LRP1B: variants seen among roughly 807,000 people sequenced by gnomAD.
The protein encoded by LRP1B is LDL receptor related protein 1B, also known as low-density lipoprotein receptor-related protein 1B.
A neutral mutation model predicts 556.6 loss-of-function variants in LRP1B; 217 were observed. The ratio of observed to expected loss-of-function variants is 0.39; its 90% CI spans 0.35 to 0.44. The LOEUF is 0.44. LRP1B is among the 20% of genes least tolerant of loss of function. LRP1B has a pLI of 1.00. For synonymous variants in LRP1B, 2,047 were observed against 1,865.8 expected (o/e 1.10, Z -2.50); for missense variants, 5,053 against 5,620.8 (o/e 0.90, Z 3.23).
At chr2:141,467,841 G>GA (rs1559087193) in intron 3 of LRP1B, among the ~76,000 whole-genome samples, 2 of 106,296 alleles carry the variant, frequency 1.9e-5, no homozygotes, top group African/African-American at 4.7e-5. Context: ...TTGCGGACCG[G>GA]GGGGGGGGGA....
intron 2 of LRP1B, among the ~76,000 whole-genome samples, chr2:141,560,912 G>A (rs914142283): frequency 2.2e-4 from 33 of 151,632 alleles, no homozygotes; most frequent in African/African-American, 7.7e-4. Context: ...TGTAGTACTC[G>A]TGGAACATGC....
intron 71 of LRP1B, among the ~76,000 whole-genome samples, chr2:140,366,908 A>G (rs1682786166): frequency 6.6e-6 from 1 of 151,770 alleles, no homozygotes; most frequent in Non-Finnish European, 1.5e-5. Flanking sequence ...TTCAGTAGAT[A>G]AGACACATTT....
chr2:140,258,680 A>G (rs1211948648), intron 86 of LRP1B, among the ~76,000 whole-genome samples: 1 of 152,058 alleles, frequency 6.6e-6, no homozygotes, highest in East Asian at 1.9e-4. Context: ...TACATTTTTA[A>G]TCCTCAAAAC....
At chr2:140,902,233 G>T (rs1190601654) in intron 23 of LRP1B, among the ~76,000 whole-genome samples, 3 of 152,112 alleles carry the variant, frequency 2.0e-5, no homozygotes, top group Non-Finnish European at 2.9e-5. Flanking sequence ...CTAGAAAAGT[G>T]GATGGGAAGC....
At chr2:141,863,021 C>G (rs1041438995) in intron 1 of LRP1B, among the ~76,000 whole-genome samples, 1 of 152,142 alleles carries the variant, frequency 6.6e-6, no homozygotes, top group African/African-American at 2.4e-5. Flanking sequence ...AGCTGTCATT[C>G]CTTGAAACTT....
rs905000572 is a variant in LRP1B at position 141,683,179 on chromosome 2, C to T, written c.205+127100G>A. On this transcript the variant is annotated intron_variant, in intron 2 of 90. Coordinates refer to ENST00000389484, the MANE Select transcript of LRP1B (RefSeq NM_018557.3). ...AAGTGGGGTGCTGCTGTCACAAATA[C>T]TAAACCTGTAGAAGCTGCTTTAGAA... Among the ~76,000 whole-genome samples the T allele has an allele frequency of 3.3e-5, 5 of 152,238 alleles. No homozygotes were observed. In the South Asian group the frequency reaches 1.0e-3, roughly 32 times the overall value.
intron 7 of LRP1B, among the ~76,000 whole-genome samples, chr2:141,142,444 A>T (rs1254028913): frequency 1.3e-5 from 2 of 152,226 alleles, no homozygotes; most frequent in Non-Finnish European, 2.9e-5. Flanking sequence ...TAAATAACTC[A>T]TTAATTGATA....
Position 141,158,292 on chromosome 2 carries a change from T to C in LRP1B, c.1013+30129A>G, listed in dbSNP as rs77282366. Among the ~76,000 whole-genome samples, 564 of 152,322 alleles carry C rather than the reference T, an allele frequency of 3.7e-3. 5 individuals are homozygous for C. Among genetic ancestry groups the C allele is most frequent in the African/African-American group, 0.013 (547 of 41,582 alleles). ...GGAATTTCAGTGCAGCACTGTGTAA[T>C]TTGAAGTCAAGAGCAGCTGAACTCA... On this transcript the variant is annotated intron_variant, in intron 7 of 90. Coordinates refer to ENST00000389484, the MANE Select transcript of LRP1B (RefSeq NM_018557.3).
chr2:141,233,783 G>T (rs300384), intron 5 of LRP1B, among the ~76,000 whole-genome samples: 61,191 of 151,712 alleles, frequency 0.4, 12,660 homozygotes, highest in African/African-American at 0.51. Flanking sequence ...ATATTAATTT[G>T]GCTAGTTTCC....
chr2:140,443,325 TG>T (rs1686512127), intron 65 of LRP1B, among the ~76,000 whole-genome samples: 1 of 152,178 alleles, frequency 6.6e-6, no homozygotes, highest in Non-Finnish European at 1.5e-5. Context: ...CCTCCTAAAG[TG>T]CTGGGATTAC....
intron 31 of LRP1B, among the ~76,000 whole-genome samples, chr2:140,817,891 C>A (rs1691183048): frequency 6.6e-6 from 1 of 152,056 alleles, no homozygotes; most frequent in African/African-American, 2.4e-5. Context: ...ATTCTTATCC[C>A]TAGCTGAGAA....
chr2:140,922,932 A>T (rs1171562856), intron 21 of LRP1B, 33 bp downstream of exon 21: 2 of 1,593,230 alleles, frequency 1.3e-6, no homozygotes, highest in Non-Finnish European at 1.7e-6. Context: ...ACTCAGGGAG[A>T]CCCAATAGAA....
intron 5 of LRP1B, 76 bp downstream of exon 5, chr2:141,247,150 C>T (rs2105326563): frequency 6.5e-7 from 1 of 1,536,260 alleles, no homozygotes; most frequent in Non-Finnish European, 9.0e-7. Flanking sequence ...TGCTATACCA[C>T]ATCTCTAATG....
chr2:141,973,015 CTCATT>C (rs1323887307), intron 1 of LRP1B, among the ~76,000 whole-genome samples: 30 of 151,584 alleles, frequency 2.0e-4, no homozygotes, highest in African/African-American at 7.2e-4. Flanking sequence ...ACAAAAATAT[CTCATT>C]TCAAGTACTT....
intron 2 of LRP1B, among the ~76,000 whole-genome samples, chr2:141,670,304 G>T (rs1377765928): frequency 6.6e-6 from 1 of 152,102 alleles, no homozygotes; most frequent in Non-Finnish European, 1.5e-5. Flanking sequence ...AAGAATATTT[G>T]TTATCGAATC....
intron 37 of LRP1B, among the ~76,000 whole-genome samples, chr2:140,707,387 T>C (rs1686877375): frequency 6.6e-6 from 1 of 152,044 alleles, no homozygotes; most frequent in Non-Finnish European, 1.5e-5. Context: ...AGTTACCCTA[T>C]CTGCAAAAAG....
chr2:142,091,150 T>A (rs1706154848), intron 1 of LRP1B, among the ~76,000 whole-genome samples: 1 of 152,160 alleles, frequency 6.6e-6, no homozygotes, highest in Non-Finnish European at 1.5e-5. Context: ...ATAAGAAGAC[T>A]GCTCATCTTT....
At chr2:140,357,462 C>A (rs1039292322) in intron 74 of LRP1B, among the ~76,000 whole-genome samples, 2 of 151,246 alleles carry the variant, frequency 1.3e-5, no homozygotes, top group African/African-American at 2.4e-5. Flanking sequence ...AATTATTTTT[C>A]TTTAATATAA....
chr2:141,905,766 T>C (rs1410193802), intron 1 of LRP1B, among the ~76,000 whole-genome samples: 665 of 8,368 alleles, frequency 0.079, 9 homozygotes, highest in Admixed American at 0.16. Flanking sequence ...TTTGAATAGA[T>C]GTGTGTGTGT....
Sources: gnomAD v4.1 joint callset for allele counts (sites outside exome capture counted in the v4.1 genomes callset) on GRCh38, gnomAD v4.1.1 for gene constraint, MANE v1.5 for transcripts, NCBI Gene and HGNC (gene_info 2026-07-23, HGNC 2026-07-21) for gene names.